PCDH11Y: variants seen among roughly 807,000 people sequenced by gnomAD.
PCDH11Y encodes protocadherin-11 Y-linked.
For missense variants in PCDH11Y, 12 were observed against 224.8 expected (o/e 0.05, Z 6.05); for synonymous variants, 9 against 83.6 (o/e 0.11, Z 4.87).
chrY:5,593,615 C>T (rs377443693), intron 4 of PCDH11Y, among the ~76,000 whole-genome samples: 2 of 31,983 alleles, frequency 6.3e-5, no homozygotes, highest in African/African-American at 2.4e-4. Flanking sequence ...AGTTCTTGCA[C>T]TGTTCTTTCT....
chrY:5,155,906 G>T (rs2052869268), intron 2 of PCDH11Y, among the ~76,000 whole-genome samples: 1 of 23,904 alleles, frequency 4.2e-5, no homozygotes, highest in Non-Finnish European at 9.7e-5. Flanking sequence ...GGAAGAAAAA[G>T]GGAGTGAAAA....
At chrY:5,463,049 G>A in intron 2 of PCDH11Y, among the ~76,000 whole-genome samples, 1 of 30,847 alleles carries the variant, frequency 3.2e-5, no homozygotes, top group African/African-American at 1.3e-4. Flanking sequence ...AATGTGGAAT[G>A]TTCTTTCTAC....
intron 2 of PCDH11Y, among the ~76,000 whole-genome samples, chrY:5,151,407 G>A: frequency 3.0e-5 from 1 of 32,952 alleles, no homozygotes; most frequent in African/African-American, 1.2e-4. Flanking sequence ...GGAGGAGGAA[G>A]AATTGTACTC....
chrY:5,419,963 C>T (rs2053256272), intron 2 of PCDH11Y, among the ~76,000 whole-genome samples: 1 of 30,447 alleles, frequency 3.3e-5, no homozygotes, highest in Non-Finnish European at 7.9e-5. Flanking sequence ...GTTACTTCAT[C>T]ACATCTTTTC....
intron 2 of PCDH11Y, among the ~76,000 whole-genome samples, chrY:5,416,559 C>A (rs1602922466): frequency 3.1e-5 from 1 of 32,728 alleles, no homozygotes; most frequent in African/African-American, 1.2e-4. Flanking sequence ...TGGCTGCTCT[C>A]GTGTGTAACG....
intron 4 of PCDH11Y, among the ~76,000 whole-genome samples, chrY:5,627,393 G>GT (rs2053508139): frequency 7.7e-4 from 16 of 20,757 alleles, no homozygotes; most frequent in Admixed American, 1.9e-3. Context: ...ACTCTACTTT[G>GT]TTTTTTTTTG....
chrY:5,613,381 CA>C (rs2053490166), intron 4 of PCDH11Y, among the ~76,000 whole-genome samples: 1 of 32,301 alleles, frequency 3.1e-5, no homozygotes, highest in Non-Finnish European at 7.5e-5. Flanking sequence ...AAAGGCAATT[CA>C]AAAATTTCCT....
At chrY:5,238,062 G>GA (rs2052978689) in intron 2 of PCDH11Y, among the ~76,000 whole-genome samples, 5 of 32,999 alleles carry the variant, frequency 1.5e-4, no homozygotes, top group Admixed American at 1.4e-3. Flanking sequence ...CACAGAATTG[G>GA]AAAAAACTAC....
intron 2 of PCDH11Y, among the ~76,000 whole-genome samples, chrY:5,491,961 A>G (rs2053339015): frequency 3.0e-5 from 1 of 33,641 alleles, no homozygotes; most frequent in Non-Finnish European, 7.4e-5. Context: ...TGCCAAGCCG[A>G]GTGGGTGGAA....
chrY:5,584,075 C>T, intron 4 of PCDH11Y, among the ~76,000 whole-genome samples: 1 of 32,369 alleles, frequency 3.1e-5, no homozygotes, highest in Non-Finnish European at 7.7e-5. Flanking sequence ...CTGTTGTATA[C>T]GCCCTTTATT....
At chrY:5,293,482 CTTA>C (rs2053070277) in intron 2 of PCDH11Y, among the ~76,000 whole-genome samples, 2 of 32,478 alleles carry the variant, frequency 6.2e-5, no homozygotes, top group Admixed American at 2.9e-4. Flanking sequence ...AGTTTTGTGA[CTTA>C]TTATATGGTC....
At chrY:5,536,265 G>C (rs1602939717) in intron 3 of PCDH11Y, among the ~76,000 whole-genome samples, 1 of 32,372 alleles carries the variant, frequency 3.1e-5, no homozygotes, top group Non-Finnish European at 7.6e-5. Context: ...GAGTAAGGTG[G>C]TATTGCACTG....
At chrY:5,288,020 C>T in intron 2 of PCDH11Y, among the ~76,000 whole-genome samples, 1 of 32,462 alleles carries the variant, frequency 3.1e-5, no homozygotes, top group Non-Finnish European at 7.5e-5. Context: ...TTTCTTAAAA[C>T]AGACATTTCA....
intron 4 of PCDH11Y, among the ~76,000 whole-genome samples, chrY:5,628,752 A>G (rs2053509724): frequency 3.0e-5 from 1 of 33,645 alleles, no homozygotes; most frequent in Non-Finnish European, 7.4e-5. Flanking sequence ...CTTCCCTGTT[A>G]TTTATTATAA....
intron 2 of PCDH11Y, among the ~76,000 whole-genome samples, chrY:5,438,813 C>T: frequency 4.7e-5 from 1 of 21,463 alleles, no homozygotes; most frequent in Non-Finnish European, 1.1e-4. Context: ...CTTTTATTTT[C>T]AGGGGTACAT....
chrY:5,023,431 C>T, intron 1 of PCDH11Y, among the ~76,000 whole-genome samples: 1 of 34,724 alleles, frequency 2.9e-5, no homozygotes, highest in African/African-American at 1.1e-4. Context: ...GAAAATGCTT[C>T]ACTGAAATAA....
At chrY:5,658,818 G>A in intron 4 of PCDH11Y, among the ~76,000 whole-genome samples, 1 of 33,191 alleles carries the variant, frequency 3.0e-5, no homozygotes, top group Non-Finnish European at 7.4e-5. Context: ...GGTCCCTGAT[G>A]ACTTATTTAG....
exon 5 of PCDH11Y, chrY:5,737,451 C>G (rs2053610927): frequency 2.5e-6 from 1 of 395,928 alleles, no homozygotes; most frequent in African/African-American, 6.6e-5. Context: ...TACTCAGCAC[C>G]ACAGCCCACC....
intron 2 of PCDH11Y, among the ~76,000 whole-genome samples, chrY:5,496,247 A>G: frequency 2.4e-4 from 8 of 33,696 alleles, no homozygotes; most frequent in African/African-American, 7.0e-4. Context: ...CACAATAATT[A>G]TCTTTAACCA....
Sources: gnomAD v4.1 joint callset for allele counts (sites outside exome capture counted in the v4.1 genomes callset) on GRCh38, gnomAD v4.1.1 for gene constraint, MANE v1.5 for transcripts, NCBI Gene and HGNC (gene_info 2026-07-23, HGNC 2026-07-21) for gene names.